TFDP2: variants seen among roughly 807,000 people sequenced by gnomAD.
The protein encoded by TFDP2 is transcription factor Dp-2.
A neutral mutation model predicts 59.3 loss-of-function variants in TFDP2; 17 were observed. That is an observed-to-expected ratio of 0.29 (90% CI 0.20 to 0.43). The LOEUF is 0.43. Among genes scored for constraint, TFDP2 ranks in the 20% least tolerant of loss-of-function variants. The pLI is 1.00. For synonymous variants in TFDP2, 180 were observed against 194.7 expected, an observed-to-expected ratio of 0.92 and a Z score of 0.63; for missense variants, 391 against 528.8, an observed-to-expected ratio of 0.74 and a Z score of 2.56.
At chr3:141,952,759 G>C in intron 12 of TFDP2, 63 bp from the exon 13 acceptor site, 2 of 1,596,656 alleles carry the variant, frequency 1.3e-6, no homozygotes, top group Admixed American at 1.8e-5. Flanking sequence ...GTAAAACATA[G>C]GAATAAAAAC....
rs886128515 is a variant in TFDP2 at position 141,952,379 on chromosome 3, T to C, written c.*134A>G. 32 of 791,588 alleles carry C rather than the reference T, an allele frequency of 4.0e-5. No homozygotes were observed. Among genetic ancestry groups the C allele is most frequent in the African/African-American group, 7.2e-5 (4 of 55,218 alleles). The allele number at this position is 791,588 out of a possible 1,614,324, so 49.0% of individuals were successfully genotyped here. On this transcript the variant is annotated 3_prime_UTR_variant, in exon 13 of 13. Transcript: ENST00000489671. ...TCTCAGCCTTCATGTGATTTGCTTA[T>C]TGTGTTTCTCTAGTTTTCACTGAAC...
chr3:142,088,584 G>T (rs1039251713), intron 3 of TFDP2, among the ~76,000 whole-genome samples: 1 of 150,438 alleles, frequency 6.6e-6, no homozygotes, highest in African/African-American at 2.4e-5. Flanking sequence ...TTATAGGTGT[G>T]AGCCACTGCG....
intron 3 of TFDP2, among the ~76,000 whole-genome samples, chr3:142,058,460 A>C (rs1487805219): frequency 1.3e-5 from 2 of 152,020 alleles, no homozygotes; most frequent in East Asian, 3.9e-4. Flanking sequence ...TCAGTCCCAT[A>C]AGACTGCCTG....
chr3:142,124,995 A>G (rs2062183941), intron 1 of TFDP2, among the ~76,000 whole-genome samples: 1 of 152,160 alleles, frequency 6.6e-6, no homozygotes, highest in African/African-American at 2.4e-5. Context: ...CAGGAGTTTG[A>G]GACCAGTGTG....
At chr3:142,042,034 A>G (rs1946999140) in intron 3 of TFDP2, among the ~76,000 whole-genome samples, 1 of 152,190 alleles carries the variant, frequency 6.6e-6, no homozygotes, top group African/African-American at 2.4e-5. Context: ...TCTTTTGCCA[A>G]TAACACATTA....
chr3:142,008,698 C>A (rs1379086036), intron 3 of TFDP2, among the ~76,000 whole-genome samples: 1 of 151,892 alleles, frequency 6.6e-6, no homozygotes, highest in Non-Finnish European at 1.5e-5. Flanking sequence ...CATACATATA[C>A]GTATGTACAT....
intron 10 of TFDP2, 53 bp from the exon 11 acceptor site, chr3:141,959,893 T>G: frequency 6.4e-7 from 1 of 1,562,738 alleles, no homozygotes; most frequent in Non-Finnish European, 8.7e-7. Flanking sequence ...GAGGTCTGAA[T>G]AGTTTTGTAT....
At chr3:141,981,131 T>G (rs1005547710) in intron 6 of TFDP2, among the ~76,000 whole-genome samples, 7 of 152,110 alleles carry the variant, frequency 4.6e-5, no homozygotes. Context: ...AGGTGTATCA[T>G]TAAAAAAAAT....
At chr3:141,972,376 C>T (rs1939900670) in intron 8 of TFDP2, among the ~76,000 whole-genome samples, 1 of 152,228 alleles carries the variant, frequency 6.6e-6, no homozygotes, top group Non-Finnish European at 1.5e-5. Context: ...TTCCAACCCA[C>T]TGGCAGAGTG....
chr3:142,019,541 C>T (rs530714419), intron 3 of TFDP2, among the ~76,000 whole-genome samples: 1 of 152,258 alleles, frequency 6.6e-6, no homozygotes, highest in Admixed American at 6.5e-5. Flanking sequence ...GCACTTTAAA[C>T]ATGCTGCATT....
At position 142,009,086 on chromosome 3, in the gene TFDP2, A is replaced by G. The variant is rs73872539; in HGVS notation, c.83-3542T>C. ...CTGGCTTCTCATAAAACCTGTTATT[A>G]CTGACTTGCAATTCTATTATAAATG... On this transcript the variant is annotated intron_variant, in intron 3 of 12. Transcript: ENST00000489671. Among the ~76,000 whole-genome samples, 520 of 152,268 alleles carry G rather than the reference A, an allele frequency of 3.4e-3. 6 individuals carry two copies. The highest frequency in any genetic ancestry group is 0.012 in the African/African-American group (496 of 41,560).
At chr3:142,056,598 G>A (rs192655120) in intron 3 of TFDP2, among the ~76,000 whole-genome samples, 19 of 152,234 alleles carry the variant, frequency 1.2e-4, no homozygotes, top group African/African-American at 4.1e-4. Context: ...CCCTTGGTGG[G>A]AGTGATGTTT....
In TFDP2 at chr3:142,042,737, C is replaced by CTTT. The variant is rs1162932187; in HGVS notation, c.83-37196_83-37194dup. 6.8e-4 allele frequency among the ~76,000 whole-genome samples: 51 copies of CTTT among 75,136 alleles called. 2 individuals are homozygous for CTTT. The highest frequency in any genetic ancestry group is 2.6e-3 in the African/African-American group (42 of 16,460). 49.3% of individuals were successfully genotyped at this position (75,136 alleles called of 152,430 possible). A position where few individuals can be genotyped will look rare whatever the true frequency, so the allele number is the denominator to read the frequency against. On this transcript the variant is annotated intron_variant, in intron 3 of 12. Coordinates refer to ENST00000489671, the MANE Select transcript of TFDP2 (RefSeq NM_001178139.2). ...CTCTTTTCTACCTCTTGCCTGGACGCTTTTTTTTTTTTTTTTTTTTGAGAC... is the reference window on the plus strand; with the variant it reads ...CTCTTTTCTACCTCTTGCCTGGACGCTTTTTTTTTTTTTTTTTTTTTTTGAGAC...
intron 9 of TFDP2, among the ~76,000 whole-genome samples, chr3:141,965,065 C>CAACA (rs1358244971): frequency 2.0e-5 from 3 of 152,028 alleles, no homozygotes; most frequent in African/African-American, 7.2e-5. Flanking sequence ...AAAAACCAAC[C>CAACA]AACAAACAAA....
chr3:142,108,960 C>T (rs574945649), intron 1 of TFDP2, among the ~76,000 whole-genome samples: 22 of 152,270 alleles, frequency 1.4e-4, no homozygotes, highest in African/African-American at 4.3e-4. Context: ...GAAAAACATC[C>T]GTTTTCTACT....
chr3:142,108,059 T>C (rs1254493146), intron 1 of TFDP2, among the ~76,000 whole-genome samples: 1 of 152,176 alleles, frequency 6.6e-6, no homozygotes, highest in Non-Finnish European at 1.5e-5. Flanking sequence ...TACATGCCAG[T>C]CAGAGCTTGC....
rs750380975 is a variant in TFDP2, at chr3:142,098,269, C to CAA, written c.15+3464_15+3465dup. The stretch of plus-strand genomic sequence containing the variant: ...TTTTCTTAAAGATTCATTGACAAGG[C>CAA]AAAAAAAAAAAACCCTCAAAAATTA... On this transcript the variant is annotated intron_variant, in intron 2 of 12. Coordinates refer to ENST00000489671, the MANE Select transcript of TFDP2 (RefSeq NM_001178139.2). Among the ~76,000 whole-genome samples, 63 of 117,124 alleles carry CAA rather than the reference C, an allele frequency of 5.4e-4. 1 individual carries two copies. Among genetic ancestry groups the CAA allele is most frequent in the African/African-American group, 1.6e-3 (52 of 32,806 alleles). 76.8% of individuals were successfully genotyped at this position (117,124 alleles called of 152,430 possible). A position where few individuals can be genotyped will look rare whatever the true frequency, so the allele number is the denominator to read the frequency against.
intron 3 of TFDP2, among the ~76,000 whole-genome samples, chr3:142,049,610 C>T (rs1249582968): frequency 6.7e-6 from 1 of 150,194 alleles, no homozygotes; most frequent in Admixed American, 6.7e-5. Flanking sequence ...GAGGGCTTAG[C>T]CAGTGTAATA....
At chr3:142,127,722 T>C (rs2062325559) in intron 1 of TFDP2, among the ~76,000 whole-genome samples, 1 of 152,042 alleles carries the variant, frequency 6.6e-6, no homozygotes, top group African/African-American at 2.4e-5. Flanking sequence ...CTCAAGCAAT[T>C]CTCCCACTTC....
Sources: allele counts gnomAD v4.1 joint callset (sites outside exome capture counted in the v4.1 genomes callset), GRCh38; gene constraint gnomAD v4.1.1; transcripts MANE v1.5; gene names NCBI Gene and HGNC (gene_info 2026-07-23, HGNC 2026-07-21).